The following TRIM66 variants were observed in gnomAD, a reference collection of about 807,000 sequenced individuals.
TRIM66 encodes tripartite motif containing 66.
TRIM66 carries 99 observed loss-of-function variants against 148.2 expected under a neutral mutation model. That is an observed-to-expected ratio of 0.67 (90% CI 0.57 to 0.79). TRIM66 has a LOEUF of 0.79. TRIM66 is among the 30% of genes least tolerant of loss of function. The probability of loss-of-function intolerance (pLI) is 0.00; values close to 1 mark genes in which losing one functional copy is unlikely to be tolerated. For missense variants in TRIM66, 1,666 were observed against 1,697.9 expected (o/e 0.98, Z 0.33); for synonymous variants, 616 against 635.9 (o/e 0.97, Z 0.47).
intron 1 of TRIM66, among the ~76,000 whole-genome samples, chr11:8,681,837 C>T (rs1420205278): frequency 2.0e-5 from 3 of 152,024 alleles, no homozygotes; most frequent in South Asian, 4.2e-4. Context: ...GGTGGGGAAG[C>T]GAGCAACTGT....
At chr11:8,657,494 CA>C (rs2037929500) in intron 6 of TRIM66, among the ~76,000 whole-genome samples, 2 of 152,144 alleles carry the variant, frequency 1.3e-5, no homozygotes, top group Admixed American at 6.5e-5. Context: ...TAGCTAAAAT[CA>C]CATGGCCCTT....
chr11:8,661,497 C>A (rs1394491791), intron 6 of TRIM66, among the ~76,000 whole-genome samples: 1 of 152,230 alleles, frequency 6.6e-6, no homozygotes, highest in Non-Finnish European at 1.5e-5. Flanking sequence ...CACTGACACA[C>A]TCCATGCAAA....
At position 8,633,990 on chromosome 11, in the gene TRIM66, G is replaced by C. The variant is rs115399088; in HGVS notation, c.2310+4664C>G. 4.2e-3 allele frequency among the ~76,000 whole-genome samples: 634 copies of C among 152,222 alleles called. 5 individuals are homozygous for C. The highest frequency in any genetic ancestry group is 0.015 in the African/African-American group (610 of 41,528). On this transcript the variant is annotated intron_variant, in intron 15 of 24. Transcript: ENST00000646038. Reference sequence around the variant, plus strand: ...CATCACAGGAATGCCTACCGCTTCTGTATCATTTACTGGAAATACATCTCA... The same window carrying C: ...CATCACAGGAATGCCTACCGCTTCTCTATCATTTACTGGAAATACATCTCA...
intron 18 of TRIM66, 148 bp downstream of exon 18, chr11:8,622,668 T>A: frequency 1.4e-6 from 1 of 715,074 alleles, no homozygotes; most frequent in Non-Finnish European, 2.4e-6. Flanking sequence ...ATCCCAGACA[T>A]CCACTTGAAG....
chr11:8,677,849 C>T (rs144193401), intron 3 of TRIM66, among the ~76,000 whole-genome samples: 39 of 152,252 alleles, frequency 2.6e-4, no homozygotes, highest in African/African-American at 8.9e-4. Flanking sequence ...AATGTAATTG[C>T]CATGTAGAAC....
chr11:8,653,822 TTC>T (rs1592149746), intron 6 of TRIM66, among the ~76,000 whole-genome samples: 1 of 151,880 alleles, frequency 6.6e-6, no homozygotes, highest in Non-Finnish European at 1.5e-5. Flanking sequence ...AAGAAAAACT[TTC>T]TGAGTTTTTG....
At position 8,672,060 on chromosome 11, in the gene TRIM66, A is replaced by T. The variant is rs1465958019; in HGVS notation, c.66T>A (p.Pro22=). 6.5e-7 allele frequency: 1 copy of T among 1,535,518 alleles called. No individual in the cohort carries two copies. The highest frequency in any genetic ancestry group is 2.4e-5 in the East Asian group (1 of 40,940). The part of the protein sequence containing the change: ...ELARSTRCFS[P]EDISGKAPVL... The stretch of plus-strand genomic sequence containing the variant: ...CTGGGGCTTTTCCACTGATATCCTC[A>T]GGTGAGAAGCAGCGTGTAGAGCGAG... The change falls in exon 6 of 25, where the codon CCT becomes CCA. Residue 22 remains proline, a synonymous_variant. Coordinates refer to ENST00000646038, the MANE Select transcript of TRIM66 (RefSeq NM_001388022.1).
chr11:8,632,659 T>C (rs1429439027), intron 15 of TRIM66, among the ~76,000 whole-genome samples: 2 of 152,110 alleles, frequency 1.3e-5, no homozygotes, highest in Non-Finnish European at 2.9e-5. Flanking sequence ...GGTTTCACCA[T>C]GTTGGCCAGG....
chr11:8,619,626 G>A, intron 22 of TRIM66, 91 bp from the exon 23 acceptor site: 2 of 1,243,892 alleles, frequency 1.6e-6, no homozygotes, highest in Non-Finnish European at 2.2e-6. Flanking sequence ...TGGAAAATGA[G>A]GTGAAATATA....
intron 6 of TRIM66, among the ~76,000 whole-genome samples, chr11:8,655,840 A>G (rs2037781726): frequency 1.3e-5 from 2 of 152,350 alleles, no homozygotes; most frequent in South Asian, 4.1e-4. Context: ...TGGGCAAGAT[A>G]GGAAGGAACA....
At chr11:8,644,829 T>C (rs924789487) in intron 12 of TRIM66, among the ~76,000 whole-genome samples, 2 of 152,354 alleles carry the variant, frequency 1.3e-5, no homozygotes, top group Admixed American at 1.3e-4. Context: ...TCACTGGAGC[T>C]TCTTTCAGAA....
chr11:8,635,145 T>C (rs1245394345), intron 15 of TRIM66, among the ~76,000 whole-genome samples: 2 of 152,160 alleles, frequency 1.3e-5, no homozygotes, highest in Non-Finnish European at 2.9e-5. Flanking sequence ...CAATTTAACC[T>C]AGTCATTGAA....
intron 24 of TRIM66, among the ~76,000 whole-genome samples, chr11:8,618,539 C>G (rs1034306744): frequency 1.3e-5 from 2 of 152,146 alleles, no homozygotes; most frequent in South Asian, 4.1e-4. Flanking sequence ...GGGACAGGCA[C>G]CTTTCTGAGT....
At chr11:8,631,715 T>C (rs1193584872) in intron 15 of TRIM66, among the ~76,000 whole-genome samples, 1 of 152,238 alleles carries the variant, frequency 6.6e-6, no homozygotes, top group Non-Finnish European at 1.5e-5. Flanking sequence ...TGCTTACTAC[T>C]ATAATGTAGC....
chr11:8,680,422 C>T (rs201216271), intron 1 of TRIM66, among the ~76,000 whole-genome samples: 1 of 150,940 alleles, frequency 6.6e-6, no homozygotes, highest in East Asian at 1.9e-4. Context: ...TTGTAAACTC[C>T]AGTTAAGAGA....
intron 15 of TRIM66, among the ~76,000 whole-genome samples, chr11:8,632,072 A>C (rs1004580870): frequency 6.6e-6 from 1 of 152,132 alleles, no homozygotes; most frequent in Non-Finnish European, 1.5e-5. Context: ...AAATATGTGA[A>C]TGCGCCGGGC....
At chr11:8,644,556 C>T (rs1459207183) in intron 12 of TRIM66, 4 of 373,372 alleles carry the variant, frequency 1.1e-5, no homozygotes, top group South Asian at 4.3e-5. Context: ...AGGGACTGTC[C>T]TTGTGTTTAA....
In TRIM66 at chr11:8,618,744, CTT is replaced by C; in HGVS notation, c.4119+4_4119+5del. The C allele has an allele frequency of 6.5e-7, 1 of 1,549,072 alleles. No individual in the cohort carries two copies. The highest frequency in any genetic ancestry group is 1.4e-5 in the African/African-American group (1 of 73,060). On this transcript the variant is annotated splice_donor_5th_base_variant and intron_variant, in intron 24 of 24. Coordinates refer to ENST00000646038, the MANE Select transcript of TRIM66 (RefSeq NM_001388022.1). ...CACCTGCTGCTGGCTGGCAGTAACT[CTT>C]TACCATATGTCGTCGCCGCCTCTTG...
chr11:8,655,155 T>C (rs2037713459), intron 6 of TRIM66, among the ~76,000 whole-genome samples: 1 of 152,214 alleles, frequency 6.6e-6, no homozygotes, highest in Non-Finnish European at 1.5e-5. Flanking sequence ...CCACTGTGCC[T>C]GGCAGAGGAC....
Sources: allele counts gnomAD v4.1 joint callset (sites outside exome capture counted in the v4.1 genomes callset), GRCh38; gene constraint gnomAD v4.1.1; transcripts MANE v1.5; gene names NCBI Gene and HGNC (gene_info 2026-07-23, HGNC 2026-07-21).